UHRF1: variants seen among roughly 807,000 people sequenced by gnomAD.
UHRF1 encodes the protein ubiquitin like with PHD and ring finger domains 1.
Under a neutral mutation model 96.5 loss-of-function variants are expected in UHRF1, and 9 were observed. The ratio of observed to expected loss-of-function variants is 0.09; its 90% CI spans 0.06 to 0.16. The LOEUF is 0.16. Among genes scored for constraint, UHRF1 ranks in the 10% least tolerant of loss-of-function variants. The pLI is 1.00. For missense variants in UHRF1, 626 were observed against 1,131.1 expected, an observed-to-expected ratio of 0.55 and a Z score of 6.40; for synonymous variants, 455 against 469.9, an observed-to-expected ratio of 0.97 and a Z score of 0.41.
chr19:4,956,446 A>T (rs2033858821), intron 15 of UHRF1, among the ~76,000 whole-genome samples: 1 of 152,206 alleles, frequency 6.6e-6, no homozygotes, highest in African/African-American at 2.4e-5. Context: ...GGTCCTGCCC[A>T]GCATCATTGA....
rs2033803397 is a variant in UHRF1 at position 4,954,583 on chromosome 19, G to A, written c.1958-67G>A. On this transcript the variant is annotated intron_variant, in intron 14 of 16. Transcript: ENST00000650932. The surrounding 1 kb of genome is among the most constrained non-coding windows in gnomAD (Gnocchi z 5.9). ...GGGTTGAGGTCGTGTGGACGTGGGA[G>A]CCGGTGGCTGTCTCTCCGGCAGCTC... 1 of 1,591,148 alleles carries A rather than the reference G, an allele frequency of 6.3e-7. No homozygotes were observed. The highest frequency in any genetic ancestry group is 1.1e-5 in the South Asian group (1 of 87,734).
At chr19:4,960,141 C>T (rs549169282) in intron 16 of UHRF1, among the ~76,000 whole-genome samples, 8 of 152,210 alleles carry the variant, frequency 5.3e-5, no homozygotes, top group Non-Finnish European at 8.8e-5. Context: ...GCATGAGCCA[C>T]GATGCTTGGC....
Position 4,914,122 on chromosome 19 carries a change from G to A in UHRF1, c.153+3084G>A, listed in dbSNP as rs892783478. Reference sequence around the variant, plus strand: ...ATTAGAGGTGTGAACCGTCGCATCCGGCCCCCATGCAGTAGCTTTTAAGAG... The same window carrying A: ...ATTAGAGGTGTGAACCGTCGCATCCAGCCCCCATGCAGTAGCTTTTAAGAG... On this transcript the variant is annotated intron_variant, in intron 2 of 16. Transcript: ENST00000650932. Among the ~76,000 whole-genome samples the A allele has an allele frequency of 3.3e-5, 5 of 152,032 alleles. No individual in the cohort carries two copies. In the East Asian group the frequency reaches 7.7e-4, roughly 23 times the overall value.
At chr19:4,952,665 A>G (rs1193233730) in intron 13 of UHRF1, among the ~76,000 whole-genome samples, 3 of 151,282 alleles carry the variant, frequency 2.0e-5, no homozygotes, top group Non-Finnish European at 4.4e-5. Context: ...TACAGGTGTG[A>G]GCCGCTGACC....
At chr19:4,924,382 T>C (rs575586596) in intron 2 of UHRF1, among the ~76,000 whole-genome samples, 3 of 152,230 alleles carry the variant, frequency 2.0e-5, no homozygotes, top group African/African-American at 7.2e-5. Flanking sequence ...ATCTCCTGAC[T>C]TCATGATCCA....
At position 4,960,704 on chromosome 19, in the gene UHRF1, C is replaced by T. The variant is rs540356624; in HGVS notation, c.2283C>T (p.Ala761=). 1.0e-5 allele frequency: 16 copies of T among 1,600,754 alleles called. No homozygotes were observed. The South Asian group carries it at 1.1e-4, about 11-fold the overall frequency. ...GGGCACAGGTGTTCAGCTGCCCTGCCTGCCGCTACGACCTGGGCCGCAGCT... is the reference window on the plus strand; with the variant it reads ...GGGCACAGGTGTTCAGCTGCCCTGCTTGCCGCTACGACCTGGGCCGCAGCT... ...SFRAQVFSCP[A]CRYDLGRSYA... Residue 761 remains alanine (A), a synonymous_variant, in exon 17 of 17, where the codon GCC becomes GCT. Coordinates refer to ENST00000650932, the MANE Select transcript of UHRF1 (RefSeq NM_001048201.3).
At chr19:4,922,079 T>C (rs1297840983) in intron 2 of UHRF1, among the ~76,000 whole-genome samples, 1 of 152,176 alleles carries the variant, frequency 6.6e-6, no homozygotes, top group Non-Finnish European at 1.5e-5. Flanking sequence ...CCTGAGTAGC[T>C]GGAATTACAG....
rs17884231 is a variant in UHRF1, at chr19:4,933,265, G to C, written c.785+309G>C. On this transcript the variant is annotated intron_variant, in intron 5 of 16. Coordinates refer to ENST00000650932, the MANE Select transcript of UHRF1 (RefSeq NM_001048201.3). The stretch of plus-strand genomic sequence containing the variant: ...TTTTATCGCTCTGTTGCCCAGGCTG[G>C]AGTGCAGTGGTTCGATCTCGGTTCA... Among the ~76,000 whole-genome samples the C allele has an allele frequency of 5.5e-3, 830 of 152,212 alleles. 5 individuals are homozygous for C. Among genetic ancestry groups the C allele is most frequent in the African/African-American group, 0.019 (792 of 41,538 alleles).
chr19:4,938,730 G>GGTTTTTTTT (rs1568421924), intron 5 of UHRF1, among the ~76,000 whole-genome samples: 20 of 61,590 alleles, frequency 3.2e-4, no homozygotes, highest in Middle Eastern at 0.016. Flanking sequence ...TTTTGGTCAG[G>GGTTTTTTTT]TTTTTTTTTT....
chr19:4,923,304 C>T lies in UHRF1; in HGVS notation c.154-5918C>T, dbSNP rs143295892. On this transcript the variant is annotated intron_variant, in intron 2 of 16. Transcript: ENST00000650932. ...TGCTCCTCCTGCCGCCTCCTGCTGT[C>T]GAGGTCACTTGGTTCTTGGCCTGTC... 9.8e-5 allele frequency among the ~76,000 whole-genome samples: 15 copies of T among 152,304 alleles called. No homozygotes were observed. In the East Asian group the frequency reaches 2.5e-3, roughly 26 times the overall value.
intron 2 of UHRF1, among the ~76,000 whole-genome samples, chr19:4,921,539 G>A (rs2032703642): frequency 2.6e-5 from 4 of 152,176 alleles, no homozygotes; most frequent in Admixed American, 2.6e-4. Flanking sequence ...AGGATCAGTT[G>A]AGCCCAGGAA....
intron 6 of UHRF1, 34 bp downstream of exon 6, chr19:4,941,662 C>T (rs749615821): frequency 2.2e-5 from 35 of 1,596,518 alleles, no homozygotes; most frequent in Admixed American, 1.0e-4. Flanking sequence ...CCATCTTCCG[C>T]GGTGGGCACG....
chr19:4,919,388 C>T lies in UHRF1; in HGVS notation c.153+8350C>T, dbSNP rs145827719. ...CGTGGTCTTGGCTCACTGCAAGCTC[C>T]ACCTCCTGGGTTCATGCCATTCTCC... On this transcript the variant is annotated intron_variant, in intron 2 of 16. Transcript: ENST00000650932. 7.6e-3 allele frequency among the ~76,000 whole-genome samples: 1,149 copies of T among 151,944 alleles called. 8 individuals are homozygous for T. Among genetic ancestry groups the T allele is most frequent in the Non-Finnish European group, 0.013 (914 of 67,960 alleles).
In UHRF1 at chr19:4,954,082, G is replaced by A. The variant is rs1482484383; in HGVS notation, c.1819-268G>A. 6.6e-6 allele frequency among the ~76,000 whole-genome samples: 1 copy of A among 152,162 alleles called. No homozygotes were observed. Among genetic ancestry groups the A allele is most frequent in the East Asian group, 1.9e-4 (1 of 5,176 alleles). On this transcript the variant is annotated intron_variant, in intron 13 of 16. Coordinates refer to ENST00000650932, the MANE Select transcript of UHRF1 (RefSeq NM_001048201.3). This position sits in a 1 kb window ranked among gnomAD's most constrained non-coding sequence, Gnocchi z 5.9. Reference sequence around the variant, plus strand: ...AAGGGGCCCCGAGCCGAGGGATGCAGCGCCTCTAGACGTTGGACACTTAGA... The same window carrying A: ...AAGGGGCCCCGAGCCGAGGGATGCAACGCCTCTAGACGTTGGACACTTAGA...
At chr19:4,911,580 C>A (rs913362461) in intron 2 of UHRF1, among the ~76,000 whole-genome samples, 7 of 152,176 alleles carry the variant, frequency 4.6e-5, no homozygotes, top group African/African-American at 4.8e-5. Context: ...TGCTGTGCTG[C>A]GGCTGCTGCT....
intron 4 of UHRF1, among the ~76,000 whole-genome samples, chr19:4,931,991 G>A (rs1357231160): frequency 2.0e-5 from 3 of 152,132 alleles, no homozygotes; most frequent in African/African-American, 7.2e-5. Flanking sequence ...GGCGTCAATG[G>A]CGCGATCTCG....
Position 4,909,512 on chromosome 19 carries a change from C to G in UHRF1, c.-154C>G, listed in dbSNP as rs932484126. On this transcript the variant is annotated 5_prime_UTR_variant, in exon 1 of 17. Transcript: ENST00000650932. ...GCGGGAAAAAAATCAGAGCAGCTGG[C>G]AGCGCGGCGGGCAGCGTTTGCCGAG... 1.5e-5 allele frequency: 10 copies of G among 657,774 alleles called. No homozygotes were observed. Among genetic ancestry groups the G allele is most frequent in the Non-Finnish European group, 2.7e-5 (10 of 364,828 alleles). The allele number at this position is 657,774 out of a possible 1,614,324, so 40.7% of individuals were successfully genotyped here. A position where few individuals can be genotyped will look rare whatever the true frequency, so the allele number is the denominator to read the frequency against.
In UHRF1 at chr19:4,954,954, A is replaced by G; in HGVS notation, c.2130+132A>G. The G allele has an allele frequency of 1.0e-6, 1 of 997,310 alleles. No individual in the cohort carries two copies. Among genetic ancestry groups the G allele is most frequent in the Non-Finnish European group, 1.5e-6 (1 of 677,288 alleles). 61.8% of individuals were successfully genotyped at this position (997,310 alleles called of 1,614,324 possible). A position where few individuals can be genotyped will look rare whatever the true frequency, so the allele number is the denominator to read the frequency against. On this transcript the variant is annotated intron_variant, in intron 15 of 16. Coordinates refer to ENST00000650932, the MANE Select transcript of UHRF1 (RefSeq NM_001048201.3). The surrounding 1 kb of genome is among the most constrained non-coding windows in gnomAD (Gnocchi z 5.9). ...CTGAGTACATTCTTGTGGTTGTGCA[A>G]CCATCACCACCATCACCACCTCCAG...
intron 2 of UHRF1, among the ~76,000 whole-genome samples, chr19:4,926,271 C>T (rs1271925411): frequency 1.3e-5 from 2 of 152,188 alleles, no homozygotes; most frequent in African/African-American, 2.4e-5. Flanking sequence ...TGTGAACCTG[C>T]GTGTACAGGT....
Sources: allele counts gnomAD v4.1 joint callset (sites outside exome capture counted in the v4.1 genomes callset), GRCh38; gene constraint gnomAD v4.1.1; non-coding constraint Gnocchi (gnomAD v3.1); transcripts MANE v1.5; gene names NCBI Gene and HGNC (gene_info 2026-07-23, HGNC 2026-07-21).